Variants in SYT1 observed in about 807,000 individuals in gnomAD.
SYT1 encodes synaptotagmin-1.
Under a neutral mutation model 44.8 loss-of-function variants are expected in SYT1, and 8 were observed. The observed-to-expected ratio is 0.18, with a 90% CI of 0.10 to 0.32. SYT1 has a LOEUF of 0.32. SYT1 is among the 10% of genes least tolerant of loss of function. SYT1 has a pLI of 1.00. For synonymous variants in SYT1, 154 were observed against 188.8 expected (o/e 0.82, Z 1.51); for missense variants, 286 against 509.3 (o/e 0.56, Z 4.22).
At chr12:79,350,985 C>G (rs1329911919) in intron 8 of SYT1, among the ~76,000 whole-genome samples, 1 of 152,144 alleles carries the variant, frequency 6.6e-6, no homozygotes, top group Non-Finnish European at 1.5e-5. Context: ...TTAATATAAA[C>G]TACACATTCA....
chr12:79,221,773 A>G (rs1053963107), intron 4 of SYT1, among the ~76,000 whole-genome samples: 9 of 152,128 alleles, frequency 5.9e-5, no homozygotes, highest in African/African-American at 2.2e-4. Context: ...TATTGTGGCT[A>G]TTATTATTTT....
chr12:78,963,396 G>A (rs1013470079), intron 1 of SYT1, among the ~76,000 whole-genome samples: 1 of 152,044 alleles, frequency 6.6e-6, no homozygotes, highest in Non-Finnish European at 1.5e-5. Flanking sequence ...CAGAATGGGA[G>A]AAAATGTTTG....
chr12:78,884,202 C>A (rs111839739), intron 1 of SYT1, among the ~76,000 whole-genome samples: 32 of 151,486 alleles, frequency 2.1e-4, no homozygotes, highest in African/African-American at 7.0e-4. Context: ...ATATACACAA[C>A]GGTCTATACA....
intron 9 of SYT1, among the ~76,000 whole-genome samples, chr12:79,397,479 C>T (rs1207819941): frequency 1.3e-5 from 2 of 152,160 alleles, no homozygotes; most frequent in Non-Finnish European, 2.9e-5. Context: ...CCTTCCACTT[C>T]AGCCTCCCAA....
chr12:79,070,577 T>C (rs1185270598), intron 3 of SYT1, among the ~76,000 whole-genome samples: 5 of 152,114 alleles, frequency 3.3e-5, no homozygotes, highest in Admixed American at 3.3e-4. Context: ...CACCAATTTT[T>C]TAGGCGTTTT....
chr12:78,993,885 CCTAAGTTTCTG>C (rs1870186680), intron 2 of SYT1, among the ~76,000 whole-genome samples: 1 of 152,122 alleles, frequency 6.6e-6, no homozygotes, highest in African/African-American at 2.4e-5. Context: ...CAAATATTGT[CCTAAGTTTCTG>C]CTATGTTCAG....
chr12:79,055,466 T>G (rs923076621), intron 3 of SYT1, among the ~76,000 whole-genome samples: 6 of 152,062 alleles, frequency 3.9e-5, no homozygotes, highest in Non-Finnish European at 5.9e-5. Flanking sequence ...CTATATGAAT[T>G]ATTAGTTTTG....
chr12:79,012,195 T>TACCTCAG (rs1871457296), intron 2 of SYT1, among the ~76,000 whole-genome samples: 1 of 151,446 alleles, frequency 6.6e-6, no homozygotes, highest in African/African-American at 2.4e-5. Flanking sequence ...ACTCTCAGGC[T>TACCTCAG]GTACCTGAGA....
chr12:79,336,274 A>T (rs1256823271), intron 8 of SYT1, among the ~76,000 whole-genome samples: 1 of 152,168 alleles, frequency 6.6e-6, no homozygotes, highest in East Asian at 1.9e-4. Flanking sequence ...TCCATTATGA[A>T]GTAAGTCCAC....
chr12:79,312,065 A>C (rs1880832245), intron 8 of SYT1, among the ~76,000 whole-genome samples: 2 of 152,044 alleles, frequency 1.3e-5, no homozygotes. Context: ...AATTTTTAAA[A>C]AGGAATTAGT....
chr12:79,426,820 C>T (rs999241581), intron 9 of SYT1, among the ~76,000 whole-genome samples: 1 of 152,158 alleles, frequency 6.6e-6, no homozygotes, highest in East Asian at 1.9e-4. Context: ...ATTCCAGTCC[C>T]CATAATCCCC....
intron 3 of SYT1, among the ~76,000 whole-genome samples, chr12:79,191,824 C>A (rs1018052379): frequency 1.3e-5 from 2 of 151,840 alleles, no homozygotes; most frequent in African/African-American, 4.8e-5. Flanking sequence ...GAATATGGGA[C>A]ATATACCTGA....
intron 3 of SYT1, among the ~76,000 whole-genome samples, chr12:79,162,628 T>C (rs973608129): frequency 6.6e-5 from 10 of 152,262 alleles, no homozygotes; most frequent in African/African-American, 2.4e-4. Context: ...ATTAGCTTTT[T>C]CTTTTTTTAG....
intron 9 of SYT1, among the ~76,000 whole-genome samples, chr12:79,430,649 T>C (rs1210994484): frequency 1.3e-5 from 2 of 152,130 alleles, no homozygotes; most frequent in Non-Finnish European, 2.9e-5. Flanking sequence ...TAGCCAGGTG[T>C]TGTGGTGTGC....
At chr12:79,337,142 C>T (rs966572650) in intron 8 of SYT1, among the ~76,000 whole-genome samples, 2 of 152,162 alleles carry the variant, frequency 1.3e-5, no homozygotes, top group Admixed American at 6.6e-5. Flanking sequence ...GGTAAATAGA[C>T]ATTTACAGTC....
chr12:79,010,651 T>C (rs989645834), intron 2 of SYT1, among the ~76,000 whole-genome samples: 1 of 152,198 alleles, frequency 6.6e-6, no homozygotes, highest in Non-Finnish European at 1.5e-5. Flanking sequence ...CCAGATCTTC[T>C]GATCTTTTGA....
intron 8 of SYT1, among the ~76,000 whole-genome samples, chr12:79,338,252 A>AT (rs1169102601): frequency 8.1e-5 from 12 of 147,244 alleles, no homozygotes; most frequent in South Asian, 2.2e-4. Flanking sequence ...ATGTCAACTA[A>AT]TTTTTTTTTC....
intron 7 of SYT1, 104 bp downstream of exon 7, chr12:79,296,340 C>T: frequency 8.4e-7 from 1 of 1,192,676 alleles, no homozygotes; most frequent in Non-Finnish European, 1.2e-6. Context: ...CTTGTTCAGG[C>T]ACTCACAATA....
chr12:79,226,678 C>T (rs932654079), intron 4 of SYT1, among the ~76,000 whole-genome samples: 1 of 151,936 alleles, frequency 6.6e-6, no homozygotes, highest in Non-Finnish European at 1.5e-5. Context: ...TAAATAAAAG[C>T]CATGCCATTT....
Sources: gnomAD v4.1 joint callset for allele counts (sites outside exome capture counted in the v4.1 genomes callset) on GRCh38, gnomAD v4.1.1 for gene constraint, MANE v1.5 for transcripts, NCBI Gene and HGNC (gene_info 2026-07-23, HGNC 2026-07-21) for gene names.